Variants in STK38L observed in about 807,000 individuals in gnomAD.
STK38L encodes serine/threonine-protein kinase 38-like.
In STK38L, 28 loss-of-function variants were observed where a neutral mutation model predicts 59.7. That is an observed-to-expected ratio of 0.47 (90% confidence interval 0.35 to 0.64). The LOEUF is 0.64. Among genes scored for constraint, STK38L ranks in the 30% least tolerant of loss-of-function variants. The pLI, the probability that STK38L is intolerant of heterozygous loss-of-function variation, is 0.01. For missense variants in STK38L, 314 were observed against 555.8 expected (o/e 0.56, Z 4.37); for synonymous variants, 162 against 176.8 (o/e 0.92, Z 0.66).
chr12:27,276,875 A>T (rs1222924644), intron 1 of STK38L, among the ~76,000 whole-genome samples: 2 of 152,214 alleles, frequency 1.3e-5, no homozygotes, highest in Admixed American at 1.3e-4. Context: ...TTGCAGGTAG[A>T]GTGAAGATGC....
intron 1 of STK38L, among the ~76,000 whole-genome samples, chr12:27,283,133 A>G (rs1008783276): frequency 2.6e-5 from 4 of 152,248 alleles, no homozygotes; most frequent in Admixed American, 1.3e-4. Context: ...GTCCATTTGT[A>G]TTAATATTGA....
At chr12:27,249,805 T>C (rs184894602) in intron 1 of STK38L, among the ~76,000 whole-genome samples, 1 of 152,328 alleles carries the variant, frequency 6.6e-6, no homozygotes, top group East Asian at 1.9e-4. Context: ...AATTTCTACA[T>C]GTTATAATAG....
chr12:27,279,024 A>G (rs893671398), intron 1 of STK38L, among the ~76,000 whole-genome samples: 2 of 152,260 alleles, frequency 1.3e-5, no homozygotes, highest in African/African-American at 2.4e-5. Flanking sequence ...AAATACAGAC[A>G]GTCCCTGACT....
chr12:27,263,400 C>A (rs1329062110), intron 1 of STK38L, among the ~76,000 whole-genome samples: 2 of 150,766 alleles, frequency 1.3e-5, no homozygotes, highest in Non-Finnish European at 2.9e-5. Context: ...TTAAAGAACT[C>A]TTTCAAAAGA....
Position 27,325,079 on chromosome 12 carries a change from C to G in STK38L, c.*2624C>G, listed in dbSNP as rs1392369808. 1.3e-5 allele frequency: 2 copies of G among 151,812 alleles called. No homozygotes were observed. The highest frequency in any genetic ancestry group is 3.9e-4 in the East Asian group (2 of 5,194). The allele number at this position is 151,812 out of a possible 1,614,324, so 9.4% of individuals were successfully genotyped here. A position where few individuals can be genotyped will look rare whatever the true frequency, so the allele number is the denominator to read the frequency against. ...AGACTTTGACTTTTTTATTAAAAAC[C>G]TTTGTATTAAAGCAAGTTATGTTAT... On this transcript the variant is annotated 3_prime_UTR_variant, in exon 14 of 14. Coordinates refer to ENST00000389032, the MANE Select transcript of STK38L (RefSeq NM_015000.4).
intron 9 of STK38L, among the ~76,000 whole-genome samples, chr12:27,317,016 T>G (rs1351628452): frequency 1.1e-4 from 16 of 152,168 alleles, no homozygotes; most frequent in Non-Finnish European, 2.9e-5. Flanking sequence ...TAACTGAGCT[T>G]CTTGTGGGGG....
Position 27,315,030 on chromosome 12 carries a change from T to C in STK38L, c.688T>C (p.Ser230Pro). 1 of 1,606,470 alleles carries C rather than the reference T, an allele frequency of 6.2e-7. No individual in the cohort carries two copies. Among genetic ancestry groups the C allele is most frequent in the Non-Finnish European group, 8.5e-7 (1 of 1,177,954 alleles). Residue 230 changes from serine to proline, a missense_variant, in exon 8 of 14, where the codon TCT becomes CCT. This residue lies in a region of STK38L where 192 missense variants were observed against 316.9 expected (regional missense o/e 0.61). Transcript: ENST00000389032. The part of the protein sequence containing the change: ...LLDAKGHVKL[S>P]DFGLCTGLKK... ...TTTTTTTTAGGGTCATGTAAAATTA[T>C]CTGATTTTGGTTTATGTACGGGATT...
intron 1 of STK38L, among the ~76,000 whole-genome samples, chr12:27,248,638 T>C (rs1591838957): frequency 7.7e-6 from 1 of 129,266 alleles, no homozygotes; most frequent in Non-Finnish European, 1.7e-5. Flanking sequence ...GTACTCATAG[T>C]TTAAGTACAG....
intron 1 of STK38L, among the ~76,000 whole-genome samples, chr12:27,283,226 AT>A (rs1943698685): frequency 6.6e-6 from 1 of 152,188 alleles, no homozygotes; most frequent in Admixed American, 6.5e-5. Flanking sequence ...ATTAAAACTT[AT>A]TTGTATTAAT....
At chr12:27,274,302 G>A (rs1334253975) in intron 1 of STK38L, among the ~76,000 whole-genome samples, 2 of 151,774 alleles carry the variant, frequency 1.3e-5, no homozygotes, top group Non-Finnish European at 2.9e-5. Flanking sequence ...AAGAAAAAAG[G>A]GTGTCCTGTT....
At chr12:27,302,285 T>C (rs1023447032) in intron 3 of STK38L, 97 bp downstream of exon 3, 28 of 937,228 alleles carry the variant, frequency 3.0e-5, no homozygotes, top group Non-Finnish European at 1.1e-5. Flanking sequence ...ATGTGGATTT[T>C]ATCATTTGAA....
chr12:27,258,801 C>T (rs767027582), intron 1 of STK38L, among the ~76,000 whole-genome samples: 21 of 152,086 alleles, frequency 1.4e-4, no homozygotes, highest in Non-Finnish European at 2.6e-4. Context: ...ATTATTCTCT[C>T]CAGGCTCTGG....
At position 27,315,317 on chromosome 12, in the gene STK38L, A is replaced by G. The variant is rs1944560187; in HGVS notation, c.804A>G (p.Lys268=). 6.2e-7 allele frequency: 1 copy of G among 1,613,876 alleles called. No individual in the cohort carries two copies. The highest frequency in any genetic ancestry group is 1.7e-4 in the Middle Eastern group (1 of 6,058). Reference sequence around the variant, plus strand: ...TTCAGAACATGAACTCAAAGAGGAAAGCAGAAACTTGGAAGAAGAACAGGA... The same window carrying G: ...TTCAGAACATGAACTCAAAGAGGAAGGCAGAAACTTGGAAGAAGAACAGGA... ...FSFQNMNSKR[K]AETWKKNRRQ... The change falls in exon 9 of 14, where the codon AAA becomes AAG. Residue 268 remains lysine, a synonymous_variant. Coordinates refer to ENST00000389032, the MANE Select transcript of STK38L (RefSeq NM_015000.4).
At chr12:27,295,331 T>C (rs942118386) in intron 1 of STK38L, among the ~76,000 whole-genome samples, 8 of 152,108 alleles carry the variant, frequency 5.3e-5, no homozygotes, top group African/African-American at 1.4e-4. Context: ...GCAGAGCAAA[T>C]ATTTTAAGCC....
chr12:27,317,838 G>A (rs1944624126), intron 10 of STK38L, 58 bp from the exon 11 acceptor site: 5 of 1,603,986 alleles, frequency 3.1e-6, no homozygotes, highest in Non-Finnish European at 4.3e-6. Context: ...TGTTTGGTGG[G>A]TATAAACTTC....
At chr12:27,284,846 G>C (rs1046850720) in intron 1 of STK38L, among the ~76,000 whole-genome samples, 3 of 152,086 alleles carry the variant, frequency 2.0e-5, no homozygotes, top group African/African-American at 7.2e-5. Flanking sequence ...CTGCCTCAAA[G>C]TTTTTTGTAT....
At chr12:27,305,728 G>A (rs372028038) in intron 3 of STK38L, among the ~76,000 whole-genome samples, 1 of 152,166 alleles carries the variant, frequency 6.6e-6, no homozygotes, top group Admixed American at 6.5e-5. Context: ...GAGAAAGGAA[G>A]AAAAGCACTT....
At chr12:27,291,559 A>G (rs374686894) in intron 1 of STK38L, among the ~76,000 whole-genome samples, 44 of 152,332 alleles carry the variant, frequency 2.9e-4, no homozygotes, top group African/African-American at 1.1e-3. Context: ...TATATCTGCA[A>G]TAAATGTTGG....
At chr12:27,306,287 A>C (rs1944309925) in intron 3 of STK38L, among the ~76,000 whole-genome samples, 4 of 152,108 alleles carry the variant, frequency 2.6e-5, no homozygotes, top group Admixed American at 1.3e-4. Flanking sequence ...ATCCAACTGT[A>C]CTGTTTTATA....
Sources: gnomAD v4.1 joint callset for allele counts (sites outside exome capture counted in the v4.1 genomes callset) on GRCh38, gnomAD v4.1.1 for gene constraint, gnomAD v4.1.1 regional missense constraint, MANE v1.5 for transcripts, NCBI Gene and HGNC (gene_info 2026-07-23, HGNC 2026-07-21) for gene names.